CLTCL1: variants seen among roughly 807,000 people sequenced by gnomAD.
CLTCL1 encodes clathrin heavy chain 2.
CLTCL1 carries 159 observed loss-of-function variants against 190.0 expected under a neutral mutation model. The ratio of observed to expected loss-of-function variants is 0.84; its 90% CI spans 0.74 to 0.95. CLTCL1 has a LOEUF of 0.95. CLTCL1 is among the 40% of genes least tolerant of loss of function. The probability of loss-of-function intolerance (pLI) is 0.00; values close to 1 mark genes in which losing one functional copy is unlikely to be tolerated. For missense variants in CLTCL1, 1,878 were observed against 2,033.4 expected (o/e 0.92, Z 1.47); for synonymous variants, 752 against 769.6 (o/e 0.98, Z 0.38).
At position 19,275,701 on chromosome 22, in the gene CLTCL1, G is replaced by A. The variant is rs1555982882; in HGVS notation, c.172C>T (p.Pro58Ser). The A allele has an allele frequency of 1.2e-6, 2 of 1,606,534 alleles. No homozygotes were observed. The highest frequency in any genetic ancestry group is 1.7e-5 in the Admixed American group (1 of 58,834). ...ATAGGCCGTCGGATCGGAGCCATTG[G>A]GTCACTCATGTCAATGATCGTGACC... ...AQVTIIDMSD[P>S]MAPIRRPISA... Residue 58 changes from proline (P) to serine (S), a missense_variant, in exon 2 of 33, where the codon CCA becomes TCA. Coordinates refer to ENST00000427926, the MANE Select transcript of CLTCL1 (RefSeq NM_007098.4).
At chr22:19,245,228 C>A in intron 3 of CLTCL1, among the ~76,000 whole-genome samples, 1 of 138,472 alleles carries the variant, frequency 7.2e-6, no homozygotes, top group East Asian at 2.2e-4. Context: ...GTCTGGCTCT[C>A]TCTCACCCAG....
chr22:19,222,175 G>T (rs2085594318), intron 15 of CLTCL1, 82 bp from the exon 16 acceptor site: 1 of 1,444,248 alleles, frequency 6.9e-7, no homozygotes, highest in Non-Finnish European at 9.6e-7. Flanking sequence ...GACAGTTTGG[G>T]CAAAACCCTG....
At chr22:19,216,342 C>T in intron 18 of CLTCL1, 86 bp from the exon 19 acceptor site, 1 of 1,302,142 alleles carries the variant, frequency 7.7e-7, no homozygotes, top group Non-Finnish European at 1.1e-6. Context: ...AAGGACTCCT[C>T]CAAGATGGTC....
intron 30 of CLTCL1, chr22:19,181,940 G>A (rs1432842180): frequency 2.0e-5 from 3 of 152,246 alleles, no homozygotes; most frequent in Non-Finnish European, 4.4e-5. Flanking sequence ...CCACAGTGTG[G>A]ACCAACGTGA....
At chr22:19,286,484 T>C (rs1186792974) in intron 1 of CLTCL1, among the ~76,000 whole-genome samples, 1 of 152,202 alleles carries the variant, frequency 6.6e-6, no homozygotes, top group African/African-American at 2.4e-5. Flanking sequence ...CCAACTGCTG[T>C]CTTAGTACAT....
chr22:19,242,723 A>G (rs1404612698), intron 4 of CLTCL1, 52 bp downstream of exon 4: 2 of 1,605,894 alleles, frequency 1.2e-6, no homozygotes, highest in African/African-American at 2.7e-5. Context: ...CACACCCCTA[A>G]CACCAGCTCA....
chr22:19,220,468 C>G (rs568587345), intron 17 of CLTCL1, among the ~76,000 whole-genome samples: 1 of 152,350 alleles, frequency 6.6e-6, no homozygotes, highest in East Asian at 1.9e-4. Context: ...TAAAACAGCA[C>G]AAACACTGCA....
intron 1 of CLTCL1, among the ~76,000 whole-genome samples, chr22:19,283,637 A>G (rs1395480814): frequency 1.3e-5 from 2 of 152,124 alleles, no homozygotes; most frequent in African/African-American, 4.8e-5. Flanking sequence ...GGTAAAGAAG[A>G]TGCTGTCTAA....
intron 19 of CLTCL1, among the ~76,000 whole-genome samples, chr22:19,212,147 G>T (rs1428163482): frequency 6.6e-6 from 1 of 152,052 alleles, no homozygotes; most frequent in African/African-American, 2.4e-5. Context: ...CCCTAAATTG[G>T]TCCATAGATT....
intron 2 of CLTCL1, among the ~76,000 whole-genome samples, chr22:19,272,013 G>A (rs1340028062): frequency 6.6e-6 from 1 of 152,180 alleles, no homozygotes; most frequent in Non-Finnish European, 1.5e-5. Flanking sequence ...AGAGGCTGAC[G>A]CAGGAGGATC....
At position 19,209,096 on chromosome 22, in the gene CLTCL1, C is replaced by T; in HGVS notation, c.3268G>A (p.Gly1090Arg). Residue 1090 changes from glycine to arginine, a missense_variant, in exon 21 of 33, where the codon GGA becomes AGA. Coordinates refer to ENST00000427926, the MANE Select transcript of CLTCL1 (RefSeq NM_007098.4). ...AACTCATATGCCCGGTCCAGGTTTC[C>T]AATGTGCTCGATCAGGACCTAGGGG... ...SAIQVLIEHI[G>R]NLDRAYEFAE... The T allele has an allele frequency of 1.2e-6, 2 of 1,605,390 alleles. No homozygotes were observed. Among genetic ancestry groups the T allele is most frequent in the Non-Finnish European group, 8.5e-7 (1 of 1,175,596 alleles).
chr22:19,287,967 C>G (rs2087967109), intron 1 of CLTCL1, among the ~76,000 whole-genome samples: 1 of 152,156 alleles, frequency 6.6e-6, no homozygotes, highest in African/African-American at 2.4e-5. Context: ...TACCTATAGT[C>G]TGAAAATATT....
chr22:19,190,596 C>CAAAAAAATAAAAA (rs2084460784), intron 27 of CLTCL1, among the ~76,000 whole-genome samples: 1 of 72,816 alleles, frequency 1.4e-5, no homozygotes, highest in Non-Finnish European at 2.5e-5. Flanking sequence ...AAGACTGTCT[C>CAAAAAAATAAAAA]AAAAAAAAAA....
intron 2 of CLTCL1, among the ~76,000 whole-genome samples, chr22:19,272,442 A>T (rs2087351530): frequency 1.3e-5 from 2 of 151,954 alleles, no homozygotes; most frequent in Admixed American, 1.3e-4. Flanking sequence ...TGTCCCTTTT[A>T]ATTTTTTTTT....
At chr22:19,219,734 C>T (rs2085507764) in intron 18 of CLTCL1, 151 bp downstream of exon 18, 4 of 1,137,828 alleles carry the variant, frequency 3.5e-6, no homozygotes, top group South Asian at 3.0e-5. Context: ...GATCCACCCA[C>T]CTCCGCCTCC....
At chr22:19,291,135 T>C (rs901131202) in intron 1 of CLTCL1, among the ~76,000 whole-genome samples, 4 of 152,172 alleles carry the variant, frequency 2.6e-5, no homozygotes, top group Non-Finnish European at 5.9e-5. Context: ...CTGAGAAATT[T>C]TTCTCTTGGG....
chr22:19,273,991 C>T (rs117872361), intron 2 of CLTCL1, among the ~76,000 whole-genome samples: 133 of 152,172 alleles, frequency 8.7e-4, no homozygotes, highest in Non-Finnish European at 1.8e-3. Flanking sequence ...TCTTTACTCC[C>T]CGACTCCACA....
At chr22:19,226,172 T>C (rs1009180227) in intron 12 of CLTCL1, 47 bp downstream of exon 12, 15 of 1,588,444 alleles carry the variant, frequency 9.4e-6, no homozygotes, top group Non-Finnish European at 1.3e-5. Flanking sequence ...GTGACATTAA[T>C]TGCATAGACA....
At chr22:19,271,476 C>T (rs73377893) in intron 2 of CLTCL1, among the ~76,000 whole-genome samples, 1,922 of 152,214 alleles carry the variant, frequency 0.013, 32 homozygotes, top group African/African-American at 0.044. Context: ...TATGGCACTC[C>T]CCCTTTTGTT....
Sources: allele counts gnomAD v4.1 joint callset (sites outside exome capture counted in the v4.1 genomes callset), GRCh38; gene constraint gnomAD v4.1.1; transcripts MANE v1.5; gene names NCBI Gene and HGNC (gene_info 2026-07-23, HGNC 2026-07-21).